CD163L1: variants seen among roughly 807,000 people sequenced by gnomAD.
The protein encoded by CD163L1 is CD163 molecule like 1.
Under a neutral mutation model 165.4 loss-of-function variants are expected in CD163L1, and 124 were observed. That is an observed-to-expected ratio of 0.75 (90% CI 0.65 to 0.87). CD163L1 has a LOEUF of 0.87. CD163L1 is among the 40% of genes least tolerant of loss of function. The probability of loss-of-function intolerance (pLI) is 0.00; values close to 1 mark genes in which losing one functional copy is unlikely to be tolerated. For missense variants in CD163L1, 1,525 were observed against 1,799.9 expected (o/e 0.85, Z 2.76); for synonymous variants, 585 against 662.2 (o/e 0.88, Z 1.79).
chr12:7,368,047 A>G lies in CD163L1; in HGVS notation c.4183+40T>C. The G allele has an allele frequency of 8.7e-7, 1 of 1,150,320 alleles. No individual in the cohort carries two copies. Among genetic ancestry groups the G allele is most frequent in the Non-Finnish European group, 1.3e-6 (1 of 761,380 alleles). The allele number at this position is 1,150,320 out of a possible 1,614,324, so 71.3% of individuals were successfully genotyped here. On this transcript the variant is annotated intron_variant, in intron 17 of 19. Coordinates refer to ENST00000313599, the MANE Select transcript of CD163L1 (RefSeq NM_174941.6). The surrounding 1 kb of genome is among the most constrained non-coding windows in gnomAD (Gnocchi z 4.3). ...CCCCATCCTGTGTGCCCTTGGTGGCAGGTAACTCACATTTTATACAATCCT... is the reference window on the plus strand; with the variant it reads ...CCCCATCCTGTGTGCCCTTGGTGGCGGGTAACTCACATTTTATACAATCCT...
At chr12:7,323,314 G>A in the CD163L1 span, 1 of 1,609,856 alleles carries the variant, frequency 6.2e-7, no homozygotes, top group South Asian at 1.1e-5. Flanking sequence ...ATGATGTCCA[G>A]GTAGGTTGAG....
intron 8 of CD163L1, among the ~76,000 whole-genome samples, chr12:7,379,991 T>C (rs2136444982): frequency 6.6e-6 from 1 of 151,596 alleles, no homozygotes; most frequent in South Asian, 2.1e-4. Flanking sequence ...CAAAAAAGAA[T>C]AGAGTTTTCA....
chr12:7,391,884 T>A (rs1426937322), intron 8 of CD163L1, among the ~76,000 whole-genome samples: 1 of 152,156 alleles, frequency 6.6e-6, no homozygotes, highest in African/African-American at 2.4e-5. Context: ...CTATCCTAAA[T>A]ATATATGCAC....
intron 8 of CD163L1, among the ~76,000 whole-genome samples, chr12:7,393,109 G>C (rs910750830): frequency 1.3e-5 from 2 of 151,982 alleles, no homozygotes; most frequent in South Asian, 4.1e-4. Flanking sequence ...GCTTGGCAGA[G>C]ACAAAACAAA....
At chr12:7,440,005 A>C (rs1591977053) in intron 2 of CD163L1, 2 of 1,508,544 alleles carry the variant, frequency 1.3e-6, no homozygotes, top group African/African-American at 2.7e-5. Flanking sequence ...AGCTCCGCAA[A>C]CCGCCGAGGA....
chr12:7,438,981 C>T, intron 2 of CD163L1: 1 of 1,605,086 alleles, frequency 6.2e-7, no homozygotes, highest in Middle Eastern at 1.7e-4. Flanking sequence ...CTAGTGTCCT[C>T]AACCTTTCTC....
At chr12:7,421,073 ACG>A (rs201534833) in intron 4 of CD163L1, among the ~76,000 whole-genome samples, 1 of 106,490 alleles carries the variant, frequency 9.4e-6, no homozygotes, top group African/African-American at 4.8e-5. Context: ...ATGTATATAT[ACG>A]TATATATATA....
chr12:7,323,577 T>C, the CD163L1 span: 3 of 1,597,932 alleles, frequency 1.9e-6, no homozygotes, highest in Non-Finnish European at 2.6e-6. Context: ...GGATAGAAAG[T>C]GCTGGTCATG....
intron 4 of CD163L1, among the ~76,000 whole-genome samples, chr12:7,348,676 TG>T (rs1204177625): frequency 6.6e-6 from 1 of 152,206 alleles, no homozygotes; most frequent in Non-Finnish European, 1.5e-5. Context: ...ACAGAGTTAT[TG>T]GGCTTTCATG....
chr12:7,382,748 C>T (rs1184494863), intron 8 of CD163L1, among the ~76,000 whole-genome samples: 1 of 152,140 alleles, frequency 6.6e-6, no homozygotes, highest in East Asian at 1.9e-4. Flanking sequence ...AGCATGGCAC[C>T]ATTTTGAGAG....
At chr12:7,353,255 T>C (rs1472762466), downstream of CD163L1, among the ~76,000 whole-genome samples, 1 of 152,050 alleles carries the variant, frequency 6.6e-6, no homozygotes, top group East Asian at 1.9e-4. Context: ...TAGTTTAATA[T>C]AAATGATCCG....
intron 7 of CD163L1, 99 bp from the exon 8 acceptor site, chr12:7,396,514 C>G: frequency 8.7e-7 from 1 of 1,155,604 alleles, no homozygotes; most frequent in Non-Finnish European, 1.2e-6. Flanking sequence ...TGGTCAAACA[C>G]CAGTCTAGAT....
chr12:7,359,757 C>T (rs1937856226), intron 18 of CD163L1, among the ~76,000 whole-genome samples: 1 of 152,086 alleles, frequency 6.6e-6, no homozygotes, highest in African/African-American at 2.4e-5. Flanking sequence ...GATAAATTTG[C>T]TCATCTTCAT....
intron 1 of CD163L1, 110 bp from the exon 2 acceptor site, chr12:7,441,356 C>A: frequency 1.3e-6 from 1 of 766,928 alleles, no homozygotes; most frequent in East Asian, 2.7e-5. Context: ...ATGAATTATT[C>A]TTCCACCTGT....
intron 4 of CD163L1, among the ~76,000 whole-genome samples, chr12:7,349,903 T>C (rs1485234286): frequency 6.6e-6 from 1 of 152,146 alleles, no homozygotes; most frequent in Non-Finnish European, 1.5e-5. Context: ...TCAAAATATC[T>C]TATACATGAA....
At chr12:7,341,624 T>C in the CD163L1 span, among the ~76,000 whole-genome samples, 1 of 152,188 alleles carries the variant, frequency 6.6e-6, no homozygotes, top group Non-Finnish European at 1.5e-5. Flanking sequence ...AGGTCACAGA[T>C]ATAACCAAGC....
At chr12:7,323,480 G>A in the CD163L1 span, 1 of 1,613,862 alleles carries the variant, frequency 6.2e-7, no homozygotes, top group Non-Finnish European at 8.5e-7. Context: ...AAATGGCAAT[G>A]TTCTACCACC....
downstream of CD163L1, among the ~76,000 whole-genome samples, chr12:7,354,720 C>T (rs2136368203): frequency 6.6e-6 from 1 of 152,194 alleles, no homozygotes; most frequent in Non-Finnish European, 1.5e-5. Context: ...CTGATGAGGG[C>T]TCCCTGCCAA....
chr12:7,369,319 T>G lies in CD163L1; in HGVS notation c.4039+38A>C, dbSNP rs1195025798. On this transcript the variant is annotated intron_variant, in intron 15 of 19. Coordinates refer to ENST00000313599, the MANE Select transcript of CD163L1 (RefSeq NM_174941.6). This position sits in a 1 kb window ranked among gnomAD's most constrained non-coding sequence, Gnocchi z 4.9. Reference sequence around the variant, plus strand: ...GTTTCCCAGTGTTCTCTACCATTAGTGGGAGGCTCAGTTTAAGTGCAGCCT... The same window carrying G: ...GTTTCCCAGTGTTCTCTACCATTAGGGGGAGGCTCAGTTTAAGTGCAGCCT... The G allele has an allele frequency of 6.3e-7, 1 of 1,588,566 alleles. No individual in the cohort carries two copies. The highest frequency in any genetic ancestry group is 1.1e-5 in the South Asian group (1 of 87,656).
Sources: allele counts gnomAD v4.1 joint callset (sites outside exome capture counted in the v4.1 genomes callset), GRCh38; gene constraint gnomAD v4.1.1; non-coding constraint Gnocchi (gnomAD v3.1); transcripts MANE v1.5; gene names NCBI Gene and HGNC (gene_info 2026-07-23, HGNC 2026-07-21).